IMMT: variants seen among roughly 807,000 people sequenced by gnomAD.
The protein encoded by IMMT is inner membrane mitochondrial protein, also known as MICOS complex subunit MIC60.
In IMMT, 40 loss-of-function variants were observed where a neutral mutation model predicts 92.7. The ratio of observed to expected loss-of-function variants is 0.43; its 90% confidence interval spans 0.34 to 0.56. The LOEUF is 0.56. Ranked by LOEUF, IMMT falls within the 20% of genes least tolerant of loss-of-function variation. The pLI is 0.03. For missense variants in IMMT, 831 were observed against 912.1 expected, an observed-to-expected ratio of 0.91 and a Z score of 1.14; for synonymous variants, 322 against 336.1, an observed-to-expected ratio of 0.96 and a Z score of 0.46.
chr2:86,189,088 C>T (rs1672967493), intron 1 of IMMT, among the ~76,000 whole-genome samples: 1 of 152,004 alleles, frequency 6.6e-6, no homozygotes, highest in Non-Finnish European at 1.5e-5. Flanking sequence ...CCTGGAATTC[C>T]TTTTTATTAA....
chr2:86,184,105 A>AT (rs141085376), intron 1 of IMMT, among the ~76,000 whole-genome samples: 11 of 151,272 alleles, frequency 7.3e-5, no homozygotes, highest in East Asian at 1.9e-4. Flanking sequence ...GTATTGTATC[A>AT]TTTTTTTTTC....
intron 10 of IMMT, among the ~76,000 whole-genome samples, chr2:86,156,749 G>A (rs1246839464): frequency 3.3e-5 from 5 of 152,016 alleles, no homozygotes; most frequent in Admixed American, 1.3e-4. Flanking sequence ...GTTGATGCTC[G>A]TATCTAACTC....
intron 7 of IMMT, among the ~76,000 whole-genome samples, 156 bp downstream of exon 7, chr2:86,166,352 T>TA (rs1350444567): frequency 6.6e-6 from 1 of 152,100 alleles, no homozygotes; most frequent in Non-Finnish European, 1.5e-5. Context: ...AAAAAAAGAT[T>TA]AATTATTCCA....
chr2:86,156,082 C>T (rs1208939512), intron 10 of IMMT, among the ~76,000 whole-genome samples: 1 of 152,206 alleles, frequency 6.6e-6, no homozygotes, highest in Non-Finnish European at 1.5e-5. Context: ...GGCTTCTCAA[C>T]CTTGGTGCTA....
At chr2:86,187,556 C>T (rs376014016) in intron 1 of IMMT, among the ~76,000 whole-genome samples, 122 of 152,244 alleles carry the variant, frequency 8.0e-4, no homozygotes, top group African/African-American at 2.9e-3. Context: ...TTTGTTTGAA[C>T]ACCTGTTTTT....
intron 1 of IMMT, among the ~76,000 whole-genome samples, chr2:86,187,995 T>C (rs1384919643): frequency 6.6e-6 from 1 of 152,126 alleles, no homozygotes; most frequent in African/African-American, 2.4e-5. Flanking sequence ...CCACTAGCAA[T>C]GTATGAGGGT....
chr2:86,195,309 C>T (rs1206382697), intron 1 of IMMT, 29 bp downstream of exon 1: 3 of 1,529,928 alleles, frequency 2.0e-6, no homozygotes, highest in Non-Finnish European at 2.6e-6. Flanking sequence ...TCAGCCTCCT[C>T]ACGCGCCTCC....
chr2:86,190,228 G>A (rs984715442), intron 1 of IMMT, among the ~76,000 whole-genome samples: 13 of 152,174 alleles, frequency 8.5e-5, no homozygotes, highest in Non-Finnish European at 1.5e-4. Context: ...GTGGTTGGCT[G>A]CCTATCTCTA....
At position 86,173,690 on chromosome 2, in the gene IMMT, T is replaced by C; in HGVS notation, c.381A>G (p.Gln127=). The C allele has an allele frequency of 1.2e-6, 2 of 1,607,526 alleles. No individual in the cohort carries two copies. The highest frequency in any genetic ancestry group is 8.5e-7 in the Non-Finnish European group (1 of 1,174,364). The change falls in exon 4 of 15, where the codon CAA becomes CAG. Residue 127 remains glutamine (Q), a synonymous_variant. Transcript: ENST00000410111. ...GAGTATCTCCCTTTTGTTTTTGGAG[T>C]TGTGAGGCAGGCTGTTTAGATTCTT... ...VMKESKQPAS[Q]LQKQKGDTPA...
At chr2:86,148,677 T>C (rs879881353) in intron 12 of IMMT, among the ~76,000 whole-genome samples, 6 of 152,110 alleles carry the variant, frequency 3.9e-5, no homozygotes, top group Non-Finnish European at 5.9e-5. Context: ...TGACATAGAC[T>C]TCTAAACAAA....
chr2:86,147,821 T>C lies in IMMT; in HGVS notation c.1414A>G (p.Arg472Gly). 1 of 1,613,830 alleles carries C rather than the reference T, an allele frequency of 6.2e-7. No individual in the cohort carries two copies. The highest frequency in any genetic ancestry group is 8.5e-7 in the Non-Finnish European group (1 of 1,179,836). The change falls in exon 13 of 15, where the codon AGA becomes GGA. Residue 472 changes from arginine to glycine, a missense_variant. Physicochemically the swap from Arg to Gly is moderately radical, Grantham distance 125. Transcript: ENST00000410111. ...CTCATTTCATTTTCCATGGCATCTCTGACTTCTTCTATCTGTGAAACCAAA... is the reference window on the plus strand; with the variant it reads ...CTCATTTCATTTTCCATGGCATCTCCGACTTCTTCTATCTGTGAAACCAAA... The part of the protein sequence containing the change: ...AEQDRKIEEV[R>G]DAMENEMRTQ...
At chr2:86,184,552 C>T (rs1245235476) in intron 1 of IMMT, among the ~76,000 whole-genome samples, 1 of 151,914 alleles carries the variant, frequency 6.6e-6, no homozygotes, top group Non-Finnish European at 1.5e-5. Context: ...TGGTCTGTTA[C>T]ACAGCTACAG....
chr2:86,156,295 T>C (rs1432349677), intron 10 of IMMT, among the ~76,000 whole-genome samples: 2 of 152,110 alleles, frequency 1.3e-5, no homozygotes, highest in African/African-American at 2.4e-5. Context: ...AACATTTTCA[T>C]GTTTTACGAT....
chr2:86,155,607 C>A (rs1014689133), intron 10 of IMMT, among the ~76,000 whole-genome samples: 1 of 152,218 alleles, frequency 6.6e-6, no homozygotes, highest in African/African-American at 2.4e-5. Context: ...GAAACTTGCT[C>A]AGCTACAGAT....
chr2:86,149,721 T>G (rs1675319407), intron 12 of IMMT, among the ~76,000 whole-genome samples: 1 of 151,828 alleles, frequency 6.6e-6, no homozygotes, highest in Non-Finnish European at 1.5e-5. Context: ...CTACTAAAAA[T>G]ACAAAAATTA....
intron 12 of IMMT, among the ~76,000 whole-genome samples, chr2:86,148,569 G>A (rs1029639700): frequency 3.9e-5 from 6 of 152,116 alleles, no homozygotes; most frequent in East Asian, 1.9e-4. Context: ...CCAAGATTGC[G>A]CTGCTGCACT....
intron 1 of IMMT, among the ~76,000 whole-genome samples, chr2:86,194,671 T>G (rs1673403538): frequency 6.6e-6 from 1 of 152,160 alleles, no homozygotes; most frequent in South Asian, 2.1e-4. Flanking sequence ...TTAGGCTCCT[T>G]GAATGTCAAA....
At chr2:86,163,163 TAAAA>T (rs1558822679) in intron 7 of IMMT, among the ~76,000 whole-genome samples, 1 of 151,484 alleles carries the variant, frequency 6.6e-6, no homozygotes, top group South Asian at 2.1e-4. Context: ...TTCAACGAAA[TAAAA>T]AAAATAGCCA....
chr2:86,176,881 G>C (rs1210987375), intron 3 of IMMT, among the ~76,000 whole-genome samples: 1 of 152,166 alleles, frequency 6.6e-6, no homozygotes, highest in African/African-American at 2.4e-5. Flanking sequence ...GGGTCATGCA[G>C]CTTAAAATAG....
Sources: gnomAD v4.1 joint callset for allele counts (sites outside exome capture counted in the v4.1 genomes callset) on GRCh38, gnomAD v4.1.1 for gene constraint, MANE v1.5 for transcripts, NCBI Gene and HGNC (gene_info 2026-07-23, HGNC 2026-07-21) for gene names.